The following PDE4D variants were observed in gnomAD, a reference collection of about 807,000 sequenced individuals.
PDE4D encodes the protein 3',5'-cyclic-AMP phosphodiesterase 4D.
PDE4D carries 24 observed loss-of-function variants against 87.4 expected under a neutral mutation model. That is an observed-to-expected ratio of 0.27 (90% CI 0.20 to 0.39). PDE4D has a LOEUF of 0.39. Among genes scored for constraint, PDE4D ranks in the 10% least tolerant of loss-of-function variants. The probability of loss-of-function intolerance (pLI) is 1.00; values close to 1 mark genes in which losing one functional copy is unlikely to be tolerated. For missense variants in PDE4D, 714 were observed against 1,041.0 expected (o/e 0.69, Z 4.32); for synonymous variants, 384 against 383.2 (o/e 1.00, Z -0.02).
chr5:60,499,527 G>A (rs1010088824), intron 1 of PDE4D, among the ~76,000 whole-genome samples: 5 of 151,978 alleles, frequency 3.3e-5, no homozygotes, highest in Non-Finnish European at 5.9e-5. Flanking sequence ...GGTTGGGGGC[G>A]GTTAAAAAGA....
At chr5:59,127,672 T>C (rs1054922869) in intron 5 of PDE4D, among the ~76,000 whole-genome samples, 3 of 135,446 alleles carry the variant, frequency 2.2e-5, no homozygotes, top group Non-Finnish European at 1.5e-5. Flanking sequence ...AGCACTGCAA[T>C]TGCTTGGTGT....
chr5:60,049,940 C>A (rs1395774395), intron 2 of PDE4D, among the ~76,000 whole-genome samples: 1 of 152,218 alleles, frequency 6.6e-6, no homozygotes, highest in East Asian at 1.9e-4. Context: ...CAAGCCTGGG[C>A]AATGGTGGGC....
At chr5:59,391,302 A>G (rs1249752904) in intron 1 of PDE4D, among the ~76,000 whole-genome samples, 1 of 152,194 alleles carries the variant, frequency 6.6e-6, no homozygotes, top group Non-Finnish European at 1.5e-5. Context: ...CTATGATAGA[A>G]CAAATTATCT....
At chr5:59,695,733 C>T (rs1192105895) in intron 1 of PDE4D, among the ~76,000 whole-genome samples, 1 of 152,130 alleles carries the variant, frequency 6.6e-6, no homozygotes, top group Non-Finnish European at 1.5e-5. Context: ...CCCCAAGTAG[C>T]TGGGACTACA....
At chr5:58,980,068 CTT>C (rs1160992784) in intron 11 of PDE4D, among the ~76,000 whole-genome samples, 1 of 152,150 alleles carries the variant, frequency 6.6e-6, no homozygotes, top group Non-Finnish European at 1.5e-5. Context: ...CCTCATAACT[CTT>C]TTAGGAAGAT....
At position 60,500,739 on chromosome 5, in the gene PDE4D, G is replaced by T. The variant is rs994640254; in HGVS notation, n.70+21312C>A. The stretch of plus-strand genomic sequence containing the variant: ...AATAATCTGAGCCTCAGCTTTCTCA[G>T]CTGTAAACTGTGAATGACAATTGTT... On this transcript the variant is annotated intron_variant and non_coding_transcript_variant, in intron 1 of 2. Transcript: ENST00000506510. 3.3e-5 allele frequency among the ~76,000 whole-genome samples: 5 copies of T among 152,302 alleles called. No individual in the cohort carries two copies. The East Asian group carries it at 9.6e-4, about 29-fold the overall frequency.
chr5:59,790,639 T>C (rs571329731), intron 1 of PDE4D, among the ~76,000 whole-genome samples: 12 of 152,290 alleles, frequency 7.9e-5, no homozygotes, highest in African/African-American at 2.6e-4. Flanking sequence ...ATTTTCTTTC[T>C]CTTTCCCCTT....
chr5:59,451,781 A>T (rs1488505229), intron 1 of PDE4D, among the ~76,000 whole-genome samples: 1 of 152,128 alleles, frequency 6.6e-6, no homozygotes, highest in Non-Finnish European at 1.5e-5. Context: ...ATCCCAAGTA[A>T]TTCTATACAA....
At position 59,699,149 on chromosome 5, in the gene PDE4D, T is replaced by A. The variant is rs541711031; in HGVS notation, c.455+194019A>T. Among the ~76,000 whole-genome samples the A allele has an allele frequency of 5.3e-5, 8 of 152,280 alleles. No individual in the cohort carries two copies. The East Asian group carries it at 1.5e-3, about 29-fold the overall frequency. On this transcript the variant is annotated intron_variant, in intron 1 of 14. Transcript: ENST00000340635. Reference sequence around the variant, plus strand: ...CAATTGATCTACAGCTGGGGAAATGTAATTCTCTCATAATTCTGTTAAAAA... The same window carrying A: ...CAATTGATCTACAGCTGGGGAAATGAAATTCTCTCATAATTCTGTTAAAAA...
Position 59,893,693 on chromosome 5 carries a change from C to A in PDE4D, c.-71G>T. 7.3e-7 allele frequency: 1 copy of A among 1,363,128 alleles called. No individual in the cohort carries two copies. The highest frequency in any genetic ancestry group is 9.4e-7 in the Non-Finnish European group (1 of 1,067,006). 84.4% of individuals were successfully genotyped at this position (1,363,128 alleles called of 1,614,324 possible). A position where few individuals can be genotyped will look rare whatever the true frequency, so the allele number is the denominator to read the frequency against. On this transcript the variant is annotated 5_prime_UTR_variant, in exon 1 of 15. Coordinates refer to ENST00000340635, the MANE Select transcript of PDE4D (RefSeq NM_001104631.2). Reference sequence around the variant, plus strand: ...CGCTGGCCCGAGCGCCTTCCTGATGCTGCTGCTGCTGCTGCCGCCGCCGCC... The same window carrying A: ...CGCTGGCCCGAGCGCCTTCCTGATGATGCTGCTGCTGCTGCCGCCGCCGCC...
intron 6 of PDE4D, among the ~76,000 whole-genome samples, chr5:59,016,497 A>T (rs1754043727): frequency 6.6e-6 from 1 of 151,016 alleles, no homozygotes; most frequent in Non-Finnish European, 1.5e-5. Flanking sequence ...TGTCTAAGAC[A>T]GCATTTCCTA....
At chr5:60,168,976 G>T (rs1375271825) in intron 2 of PDE4D, among the ~76,000 whole-genome samples, 1 of 152,128 alleles carries the variant, frequency 6.6e-6, no homozygotes, top group African/African-American at 2.4e-5. Flanking sequence ...TACCACTAGA[G>T]CTCTTGTTGT....
chr5:60,287,847 T>A (rs372690495), intron 1 of PDE4D, among the ~76,000 whole-genome samples: 13 of 152,182 alleles, frequency 8.5e-5, no homozygotes, highest in African/African-American at 3.1e-4. Context: ...TATTTGATTA[T>A]TGCTATTTGT....
intron 1 of PDE4D, among the ~76,000 whole-genome samples, chr5:59,507,059 C>T (rs575540917): frequency 6.0e-4 from 92 of 152,164 alleles, no homozygotes; most frequent in Non-Finnish European, 1.1e-3. Context: ...GGGCCAGGCA[C>T]AGTGGCTCAC....
intron 1 of PDE4D, among the ~76,000 whole-genome samples, chr5:59,480,457 C>T (rs1804063982): frequency 6.6e-6 from 1 of 152,092 alleles, no homozygotes; most frequent in South Asian, 2.1e-4. Flanking sequence ...CAGATTACCT[C>T]CCTTATCTAT....
intron 1 of PDE4D, among the ~76,000 whole-genome samples, chr5:60,260,498 C>T (rs1198548672): frequency 2.0e-5 from 3 of 151,960 alleles, no homozygotes; most frequent in Non-Finnish European, 4.4e-5. Flanking sequence ...ATATGAAGGT[C>T]TAAAGTGAAT....
At chr5:59,366,070 T>C (rs780959000) in intron 1 of PDE4D, among the ~76,000 whole-genome samples, 5 of 152,180 alleles carry the variant, frequency 3.3e-5, no homozygotes, top group South Asian at 2.1e-4. Flanking sequence ...TTTTCAAAAA[T>C]ACAGAAAAAT....
rs748984656 is a variant in PDE4D, at chr5:59,988,615, G to T, written c.145C>A (p.Pro49Thr). Residue 49 changes from proline to threonine, a missense_variant, in exon 3 of 17, where the codon CCC becomes ACC. Physicochemically the swap from Pro to Thr is conservative, Grantham distance 38. Transcript: ENST00000502484. ...TCCAACTGTCTGAAGGCGAGAGGGG[G>T]AAGCTGAATATTGCGACATGAAAGT... 1.8e-4 allele frequency: 281 copies of T among 1,599,198 alleles called. 3 individuals are homozygous for T. The South Asian group carries it at 2.0e-3, about 11-fold the overall frequency.
chr5:60,201,805 G>T (rs919158632), intron 1 of PDE4D, among the ~76,000 whole-genome samples: 15 of 152,182 alleles, frequency 9.9e-5, no homozygotes, highest in African/African-American at 3.4e-4. Context: ...AATTGATACT[G>T]GCACCAGACT....
Sources: allele counts gnomAD v4.1 joint callset (sites outside exome capture counted in the v4.1 genomes callset), GRCh38; gene constraint gnomAD v4.1.1; transcripts MANE v1.5; gene names NCBI Gene and HGNC (gene_info 2026-07-23, HGNC 2026-07-21).